The following BMP5 variants were observed in gnomAD, a reference collection of about 807,000 sequenced individuals.
BMP5 encodes the protein bone morphogenetic protein 5.
A neutral mutation model predicts 46.6 loss-of-function variants in BMP5; 23 were observed. The observed-to-expected ratio is 0.49, with a 90% CI of 0.35 to 0.70. The LOEUF is 0.70. Ranked by LOEUF, BMP5 falls within the 30% of genes least tolerant of loss-of-function variation. The pLI is 0.00. For synonymous variants in BMP5, 204 were observed against 191.9 expected, an observed-to-expected ratio of 1.06 and a Z score of -0.52; for missense variants, 545 against 565.6, an observed-to-expected ratio of 0.96 and a Z score of 0.37.
intron 6 of BMP5, 35 bp downstream of exon 6, chr6:55,758,970 T>G (rs370552267): frequency 1.4e-6 from 2 of 1,384,330 alleles, no homozygotes; most frequent in African/African-American, 2.8e-5. Context: ...GCTTGCATTC[T>G]AAGCTTTTCT....
chr6:55,806,749 T>G (rs1001806070), intron 2 of BMP5, among the ~76,000 whole-genome samples: 1 of 152,010 alleles, frequency 6.6e-6, no homozygotes, highest in African/African-American at 2.4e-5. Flanking sequence ...TTTCCTTGAG[T>G]AGTAGTTTGT....
intron 1 of BMP5, among the ~76,000 whole-genome samples, chr6:55,845,319 A>G (rs1322167692): frequency 6.6e-6 from 1 of 152,044 alleles, no homozygotes; most frequent in Admixed American, 6.6e-5. Flanking sequence ...TTTACCATAC[A>G]AATTACTTGA....
chr6:55,858,609 G>A (rs1388283595), intron 1 of BMP5, among the ~76,000 whole-genome samples: 1 of 152,050 alleles, frequency 6.6e-6, no homozygotes, highest in Non-Finnish European at 1.5e-5. Flanking sequence ...TAATACTAAC[G>A]TTTACACTCA....
intron 1 of BMP5, among the ~76,000 whole-genome samples, chr6:55,860,550 G>A (rs942758331): frequency 6.6e-6 from 1 of 152,052 alleles, no homozygotes; most frequent in Non-Finnish European, 1.5e-5. Flanking sequence ...ATTACAATTG[G>A]GCTATTGGTA....
intron 1 of BMP5, among the ~76,000 whole-genome samples, chr6:55,824,987 G>C (rs1016840210): frequency 1.3e-5 from 2 of 151,858 alleles, no homozygotes; most frequent in Non-Finnish European, 2.9e-5. Flanking sequence ...TTTATGGATG[G>C]AGGTGTAGAT....
At chr6:55,799,547 T>C (rs1775793992) in intron 2 of BMP5, among the ~76,000 whole-genome samples, 1 of 152,242 alleles carries the variant, frequency 6.6e-6, no homozygotes, top group African/African-American at 2.4e-5. Context: ...CAACTCCATC[T>C]TGAAAGCTAA....
chr6:55,844,384 C>T (rs1404973901), intron 1 of BMP5, among the ~76,000 whole-genome samples: 1 of 151,782 alleles, frequency 6.6e-6, no homozygotes, highest in East Asian at 1.9e-4. Flanking sequence ...AAATTAAAAC[C>T]AAAAACTATC....
rs537759928 is a variant in BMP5, at chr6:55,823,745, T to G, written c.491-3898A>C. On this transcript the variant is annotated intron_variant, in intron 1 of 6. Coordinates refer to ENST00000370830, the MANE Select transcript of BMP5 (RefSeq NM_021073.4). Reference sequence around the variant, plus strand: ...CAAAGAACCCTTCCCCTTCCCTTTATGATGCTCCCATAATAAAGACATGCC... The same window carrying G: ...CAAAGAACCCTTCCCCTTCCCTTTAGGATGCTCCCATAATAAAGACATGCC... Among the ~76,000 whole-genome samples, 6 of 152,130 alleles carry G rather than the reference T, an allele frequency of 3.9e-5. No individual in the cohort carries two copies. In the East Asian group the frequency reaches 1.2e-3, roughly 29 times the overall value.
intron 1 of BMP5, among the ~76,000 whole-genome samples, chr6:55,841,225 C>G (rs927547273): frequency 2.0e-5 from 3 of 152,102 alleles, no homozygotes; most frequent in African/African-American, 7.2e-5. Context: ...AGGTTAGGGG[C>G]TGCTGTTTTA....
intron 6 of BMP5, 87 bp from the exon 7 acceptor site, chr6:55,755,769 C>A: frequency 7.9e-7 from 1 of 1,268,040 alleles, no homozygotes; most frequent in South Asian, 1.3e-5. Context: ...TTTTATCACT[C>A]ATAATCAGGC....
chr6:55,771,995 G>A (rs1775056906), intron 4 of BMP5, among the ~76,000 whole-genome samples: 1 of 151,730 alleles, frequency 6.6e-6, no homozygotes, highest in Non-Finnish European at 1.5e-5. Flanking sequence ...ATCCTATGAG[G>A]ATTTTCCCAG....
At chr6:55,810,871 G>A (rs147489302) in intron 2 of BMP5, among the ~76,000 whole-genome samples, 2 of 152,160 alleles carry the variant, frequency 1.3e-5, no homozygotes, top group South Asian at 2.1e-4. Context: ...GCATATCTAC[G>A]CACTAAATGC....
At chr6:55,864,480 T>G (rs559851754) in intron 1 of BMP5, among the ~76,000 whole-genome samples, 27 of 152,260 alleles carry the variant, frequency 1.8e-4, no homozygotes, top group Middle Eastern at 3.4e-3. Flanking sequence ...CACGTTCCCT[T>G]CTACTTTCCA....
At position 55,875,565 on chromosome 6, in the gene BMP5, C is replaced by T. The variant is rs1285632661; in HGVS notation, c.-700G>A. The T allele has an allele frequency of 6.6e-6, 1 of 152,514 alleles. No individual in the cohort carries two copies. The highest frequency in any genetic ancestry group is 1.5e-5 in the Non-Finnish European group (1 of 68,368). The allele number at this position is 152,514 out of a possible 1,614,324, so 9.4% of individuals were successfully genotyped here. ...CCTCCAGCAGGCACAAATATACCAG[C>T]CCTCTTCAAGAGAGATCTAAAGAGT... On this transcript the variant is annotated 5_prime_UTR_variant, in exon 1 of 7. Transcript: ENST00000370830.
chr6:55,790,281 T>G (rs1582066797), intron 3 of BMP5, among the ~76,000 whole-genome samples: 1 of 152,150 alleles, frequency 6.6e-6, no homozygotes, highest in East Asian at 1.9e-4. Context: ...TACAAGACCT[T>G]TTTAATTACA....
intron 2 of BMP5, among the ~76,000 whole-genome samples, chr6:55,809,561 G>T (rs1053251708): frequency 6.6e-6 from 1 of 151,956 alleles, no homozygotes; most frequent in African/African-American, 2.4e-5. Flanking sequence ...CCTGGTTGTG[G>T]TTGTGGTTTC....
intron 1 of BMP5, among the ~76,000 whole-genome samples, chr6:55,843,598 G>GA (rs997755030): frequency 6.6e-6 from 1 of 151,744 alleles, no homozygotes; most frequent in Non-Finnish European, 1.5e-5. Flanking sequence ...TTTAGGAATA[G>GA]AAAAAAAGCA....
rs550682728 is a variant in BMP5, at chr6:55,754,113, T to C, written c.*1420A>G. On this transcript the variant is annotated 3_prime_UTR_variant, in exon 7 of 7. Coordinates refer to ENST00000370830, the MANE Select transcript of BMP5 (RefSeq NM_021073.4). The stretch of plus-strand genomic sequence containing the variant: ...TTTGGTATACGTTTGGTTTGAAAGA[T>C]CCAAAAGGATGATTAATAAATGGTG... 2.0e-5 allele frequency: 3 copies of C among 152,010 alleles called. No homozygotes were observed. Among genetic ancestry groups the C allele is most frequent in the East Asian group, 3.9e-4 (2 of 5,138 alleles). The allele number at this position is 152,010 out of a possible 1,614,324, so 9.4% of individuals were successfully genotyped here.
intron 1 of BMP5, among the ~76,000 whole-genome samples, chr6:55,870,252 C>A (rs935842793): frequency 1.3e-5 from 2 of 150,742 alleles, no homozygotes; most frequent in East Asian, 3.9e-4. Flanking sequence ...CTATCTCTGG[C>A]AACCCAGAGT....
Sources: gnomAD v4.1 joint callset for allele counts (sites outside exome capture counted in the v4.1 genomes callset) on GRCh38, gnomAD v4.1.1 for gene constraint, MANE v1.5 for transcripts, NCBI Gene and HGNC (gene_info 2026-07-23, HGNC 2026-07-21) for gene names.